Variants in STIL observed in about 807,000 individuals in gnomAD.
STIL encodes SCL-interrupting locus protein.
In STIL, 55 loss-of-function variants were observed where a neutral mutation model predicts 110.1. The observed-to-expected ratio is 0.50, with a 90% CI of 0.40 to 0.63. The LOEUF (loss-of-function observed/expected upper bound fraction) is 0.63, where lower values mean the gene tolerates loss of function less well. STIL is among the 20% of genes least tolerant of loss of function. The pLI is 0.00. For missense variants in STIL, 1,358 were observed against 1,530.0 expected (o/e 0.89, Z 1.87); for synonymous variants, 481 against 530.0 (o/e 0.91, Z 1.27).
At chr1:47,256,225 T>C (rs1392438069) in intron 16 of STIL, among the ~76,000 whole-genome samples, 2 of 152,304 alleles carry the variant, frequency 1.3e-5, no homozygotes, top group East Asian at 1.9e-4. Context: ...GAACCTTCAC[T>C]GTAAGCGTCG....
rs1204363924 is a variant in STIL, at chr1:47,269,816, G to C, written c.2434C>G (p.Gln812Glu). Reference protein sequence around the residue: ...AAGEDQEPDSQMKQDDTKISS... With the variant: ...AAGEDQEPDSEMKQDDTKISS... ...ATTTTGGTATCATCTTGCTTCATTTGAGAGTCAGGCTCTTGATCCTCACCT... is the reference window on the plus strand; with the variant it reads ...ATTTTGGTATCATCTTGCTTCATTTCAGAGTCAGGCTCTTGATCCTCACCT... Residue 812 changes from glutamine (Q) to glutamate (E), a missense_variant, in exon 14 of 17, where the codon CAA becomes GAA. By Grantham distance (29) the Gln-to-Glu change is conservative (BLOSUM62 2). Transcript: ENST00000371877. 14 of 1,614,042 alleles carry C rather than the reference G, an allele frequency of 8.7e-6. No homozygotes were observed. The highest frequency in any genetic ancestry group is 1.2e-5 in the Non-Finnish European group (14 of 1,180,034).
rs3043070 is a variant in STIL at position 47,252,778 on chromosome 1, TACACACACACAC to T, written c.3081-868_3081-857del. ...CAACCAGTCTCTGGATATGGGCTTA[TACACACACACAC>T]ACACACACACACACACACACACACA... On this transcript the variant is annotated intron_variant, in intron 16 of 16. Transcript: ENST00000371877. Among the ~76,000 whole-genome samples, 1,138 of 140,190 alleles carry T rather than the reference TACACACACACAC, an allele frequency of 8.1e-3. 15 individuals carry two copies. Among genetic ancestry groups the T allele is most frequent in the African/African-American group, 0.026 (1,007 of 38,360 alleles). 92.0% of individuals were successfully genotyped at this position (140,190 alleles called of 152,430 possible). A position where few individuals can be genotyped will look rare whatever the true frequency, so the allele number is the denominator to read the frequency against.
chr1:47,262,835 A>T (rs1257830750), intron 15 of STIL, 68 bp downstream of exon 15: 1 of 1,463,394 alleles, frequency 6.8e-7, no homozygotes, highest in African/African-American at 1.4e-5. Flanking sequence ...AACCTAGGAA[A>T]AGCTTAACTA....
intron 8 of STIL, among the ~76,000 whole-genome samples, chr1:47,290,324 A>G (rs1645444004): frequency 6.6e-6 from 1 of 152,244 alleles, no homozygotes; most frequent in Non-Finnish European, 1.5e-5. Flanking sequence ...CTGGGGGGAA[A>G]ACCGTTACTA....
At chr1:47,280,214 A>G (rs369119939) in intron 12 of STIL, 27 bp downstream of exon 12, 76 of 1,613,862 alleles carry the variant, frequency 4.7e-5, no homozygotes, top group Non-Finnish European at 6.3e-5. Context: ...CAAGAAATTA[A>G]TAGAACTAGG....
chr1:47,312,450 C>T (rs891117411), intron 1 of STIL, among the ~76,000 whole-genome samples: 18 of 150,242 alleles, frequency 1.2e-4, no homozygotes, highest in African/African-American at 4.2e-4. Flanking sequence ...GAGACTCCGT[C>T]TCAAAAAAAA....
At chr1:47,291,714 C>T (rs1440411206) in intron 8 of STIL, among the ~76,000 whole-genome samples, 1 of 152,062 alleles carries the variant, frequency 6.6e-6, no homozygotes, top group Non-Finnish European at 1.5e-5. Flanking sequence ...TACCGGCATG[C>T]TCTACCACAC....
chr1:47,297,053 G>C (rs2149147462), intron 6 of STIL, among the ~76,000 whole-genome samples: 1 of 152,278 alleles, frequency 6.6e-6, no homozygotes, highest in South Asian at 2.1e-4. Context: ...AAAAGAATTA[G>C]TTCAGGCTGG....
chr1:47,281,230 GA>G lies in STIL; in HGVS notation c.1249-22del, dbSNP rs747573992. The stretch of plus-strand genomic sequence containing the variant: ...GAAATCTACAAATAAGAAAGAAATA[GA>G]AAAAAAAAGTATTTTTTTGGAGAAA... On this transcript the variant is annotated intron_variant, in intron 11 of 16. Transcript: ENST00000371877. The G allele has an allele frequency of 4.1e-5, 65 of 1,591,470 alleles. No homozygotes were observed. In the African/African-American group the frequency reaches 4.9e-4, roughly 12 times the overall value.
At chr1:47,260,996 T>A (rs1570035915) in intron 15 of STIL, among the ~76,000 whole-genome samples, 1 of 152,360 alleles carries the variant, frequency 6.6e-6, no homozygotes, top group East Asian at 1.9e-4. Context: ...ATGGTATTAT[T>A]TGCAGGTATT....
At chr1:47,274,854 T>TA in intron 12 of STIL, among the ~76,000 whole-genome samples, 1 of 151,934 alleles carries the variant, frequency 6.6e-6, no homozygotes, top group East Asian at 1.9e-4. Context: ...CATTATACAA[T>TA]AAAAAATGCA....
In STIL at chr1:47,280,264, G is replaced by C. The variant is rs1645117822; in HGVS notation, c.2194C>G (p.Gln732Glu). The change falls in exon 12 of 17, where the codon CAG (glutamine) becomes GAG (glutamate). Residue 732 changes from glutamine (Q) to glutamate (E), a missense_variant. Coordinates refer to ENST00000371877, the MANE Select transcript of STIL (RefSeq NM_001048166.1). ...AYRFLTEQDR[Q>E]LRLLQAQIQR... Reference sequence around the variant, plus strand: ...ACCTGTGCCTGAAGTAGTCTTAGCTGTCTGTCTTGTTCTGTGAGGAACCGA... The same window carrying C: ...ACCTGTGCCTGAAGTAGTCTTAGCTCTCTGTCTTGTTCTGTGAGGAACCGA... 6.2e-7 allele frequency: 1 copy of C among 1,614,096 alleles called. No individual in the cohort carries two copies. Among genetic ancestry groups the C allele is most frequent in the Non-Finnish European group, 8.5e-7 (1 of 1,180,038 alleles).
At chr1:47,307,185 G>T (rs561425579) in intron 2 of STIL, among the ~76,000 whole-genome samples, 26 of 152,254 alleles carry the variant, frequency 1.7e-4, no homozygotes, top group Admixed American at 1.0e-3. Context: ...GCTGGACATG[G>T]TGGCACACGC....
intron 10 of STIL, 86 bp from the exon 11 acceptor site, chr1:47,282,545 G>T: frequency 1.3e-6 from 1 of 775,784 alleles, no homozygotes; most frequent in Non-Finnish European, 2.3e-6. Context: ...CCTTTAATAA[G>T]TTGCAGTAGT....
chr1:47,307,075 CA>C (rs529218900), intron 2 of STIL, among the ~76,000 whole-genome samples: 5 of 152,162 alleles, frequency 3.3e-5, no homozygotes, highest in Non-Finnish European at 7.4e-5. Flanking sequence ...CACTTGAACC[CA>C]GGGGGAAGAG....
At chr1:47,264,740 C>T (rs920604579) in intron 14 of STIL, among the ~76,000 whole-genome samples, 8 of 152,076 alleles carry the variant, frequency 5.3e-5, no homozygotes, top group African/African-American at 1.9e-4. Flanking sequence ...GAGAAGGATC[C>T]CAGAGAAGCA....
chr1:47,260,162 A>C, intron 16 of STIL, 127 bp downstream of exon 16: 1 of 955,832 alleles, frequency 1.0e-6, no homozygotes, highest in East Asian at 2.7e-5. Context: ...CACAAACGTA[A>C]CTTTTCTGAT....
chr1:47,287,630 G>C lies in STIL; in HGVS notation c.1054C>G (p.Arg352Gly). ...NVEPPDKNPI[R>G]CELSAESQNA... ...TGGCTTTCAGCGCTCAGTTCACAAC[G>C]GATTGGATTTTTGTCAGGAGGTTCA... Residue 352 changes from arginine (R) to glycine (G), a missense_variant, in exon 10 of 17, where the codon CGT becomes GGT. Arg to Gly is a moderately radical substitution (Grantham distance 125). Transcript: ENST00000371877. The C allele has an allele frequency of 6.2e-7, 1 of 1,613,296 alleles. No homozygotes were observed. The highest frequency in any genetic ancestry group is 8.5e-7 in the Non-Finnish European group (1 of 1,179,566).
rs549227243 is a variant in STIL, at chr1:47,258,992, C to CTTTTTTTTTTTTTTTTTTTTTTTTTTTTT, written c.3080+1296_3080+1297insAAAAAAAAAAAAAAAAAAAAAAAAAAAAA. Reference sequence around the variant, plus strand: ...GAAATGGTTAAGAGAAGTAACTTTGCTTTTTTTTTTTTTTGAGACAGTCTT... The same window carrying CTTTTTTTTTTTTTTTTTTTTTTTTTTTTT: ...GAAATGGTTAAGAGAAGTAACTTTGCTTTTTTTTTTTTTTTTTTTTTTTTTTTTTTTTTTTTTTTTTTTGAGACAGTCTT... On this transcript the variant is annotated intron_variant, in intron 16 of 16. Transcript: ENST00000371877. 3.2e-5 allele frequency among the ~76,000 whole-genome samples: 3 copies of CTTTTTTTTTTTTTTTTTTTTTTTTTTTTT among 94,402 alleles called. 1 individual carries two copies. Among genetic ancestry groups the CTTTTTTTTTTTTTTTTTTTTTTTTTTTTT allele is most frequent in the African/African-American group, 1.4e-4 (3 of 21,756 alleles). 61.9% of individuals were successfully genotyped at this position (94,402 alleles called of 152,430 possible).
Sources: gnomAD v4.1 joint callset for allele counts (sites outside exome capture counted in the v4.1 genomes callset) on GRCh38, gnomAD v4.1.1 for gene constraint, MANE v1.5 for transcripts, NCBI Gene and HGNC (gene_info 2026-07-23, HGNC 2026-07-21) for gene names.